Variants in SLC1A7 observed in about 807,000 individuals in gnomAD.
SLC1A7 encodes excitatory amino acid transporter 5.
SLC1A7 carries 40 observed loss-of-function variants against 47.7 expected under a neutral mutation model. The observed-to-expected ratio is 0.84, with a 90% CI of 0.65 to 1.09. The LOEUF (loss-of-function observed/expected upper bound fraction) is 1.09. Among genes scored for constraint, SLC1A7 ranks in the 50% least tolerant of loss-of-function variants. The pLI, the probability that SLC1A7 is intolerant of heterozygous loss-of-function variation, is 0.00. For missense variants in SLC1A7, 746 were observed against 769.5 expected (o/e 0.97, Z 0.36); for synonymous variants, 323 against 325.6 (o/e 0.99, Z 0.09).
At chr1:53,121,970 T>C (rs772696968) in intron 2 of SLC1A7, among the ~76,000 whole-genome samples, 2 of 149,832 alleles carry the variant, frequency 1.3e-5, no homozygotes, top group Non-Finnish European at 3.0e-5. Context: ...GGCAGCTGGG[T>C]AGGCAGCAGG....
intron 5 of SLC1A7, among the ~76,000 whole-genome samples, chr1:53,100,726 G>GTACACTCATACATACCACCTCA (rs1644565455): frequency 6.8e-6 from 1 of 147,244 alleles, no homozygotes; most frequent in Non-Finnish European, 1.5e-5. Context: ...ATACCACCTC[G>GTACACTCATACATACCACCTCA]GTACACTCAC....
In SLC1A7 at chr1:53,114,666, C is replaced by G. The variant is rs1644736308; in HGVS notation, c.431+92G>C. ...GTGATCATGGACTCCGTGATCACCC[C>G]CATCTCCACACCCCGTCCTGGCCTC... On this transcript the variant is annotated intron_variant, in intron 3 of 10. Coordinates refer to ENST00000371494, the MANE Select transcript of SLC1A7 (RefSeq NM_006671.6). 6 of 1,065,776 alleles carry G rather than the reference C, an allele frequency of 5.6e-6. No homozygotes were observed. In the South Asian group the frequency reaches 8.5e-5, roughly 15 times the overall value. 66.0% of individuals were successfully genotyped at this position (1,065,776 alleles called of 1,614,324 possible). A position where few individuals can be genotyped will look rare whatever the true frequency, so the allele number is the denominator to read the frequency against.
At chr1:53,114,648 T>G in intron 3 of SLC1A7, 110 bp downstream of exon 3, 1 of 885,582 alleles carries the variant, frequency 1.1e-6, no homozygotes, top group Non-Finnish European at 1.8e-6. Context: ...AGGGTGATCA[T>G]GGACTCCGTG....
chr1:53,091,249 C>G (rs1644418388), intron 7 of SLC1A7, among the ~76,000 whole-genome samples: 1 of 152,368 alleles, frequency 6.6e-6, no homozygotes, highest in South Asian at 2.1e-4. Flanking sequence ...TGGACAGCAC[C>G]TGGCCCATTG....
chr1:53,110,255 G>T (rs1333650647), intron 3 of SLC1A7, among the ~76,000 whole-genome samples: 2 of 152,308 alleles, frequency 1.3e-5, no homozygotes, highest in East Asian at 3.9e-4. Context: ...GGCCTGCCCA[G>T]GGCCACACAG....
chr1:53,117,134 T>C (rs754460823), intron 2 of SLC1A7, among the ~76,000 whole-genome samples: 1 of 151,984 alleles, frequency 6.6e-6, no homozygotes, highest in Non-Finnish European at 1.5e-5. Context: ...CTCTTGGAAA[T>C]GGGAGAGGAT....
intron 2 of SLC1A7, among the ~76,000 whole-genome samples, chr1:53,126,859 T>C: frequency 2.8e-5 from 1 of 35,902 alleles, no homozygotes; most frequent in Non-Finnish European, 4.9e-5. Context: ...TGTAATTTGC[T>C]TATCTAATTT....
intron 5 of SLC1A7, among the ~76,000 whole-genome samples, chr1:53,099,355 A>G (rs548345964): frequency 1.3e-5 from 1 of 74,766 alleles, no homozygotes; most frequent in African/African-American, 4.8e-5. Context: ...AGTACCTCAC[A>G]TACCGCCTCG....
intron 2 of SLC1A7, among the ~76,000 whole-genome samples, chr1:53,124,676 A>G (rs533631534): frequency 3.3e-5 from 5 of 151,988 alleles, no homozygotes; most frequent in African/African-American, 1.2e-4. Context: ...CACACAGAGC[A>G]CCTGCCGGGA....
At position 53,140,168 on chromosome 1, in the gene SLC1A7, C is replaced by A. The variant is rs144464968; in HGVS notation, c.135+2147G>T. On this transcript the variant is annotated intron_variant, in intron 1 of 10. Transcript: ENST00000371494. ...GTTTCTGCCAAATAATTGTTCTAAG[C>A]CTCTACATCCTTCCTTCAATTTATC... 2.7e-4 allele frequency among the ~76,000 whole-genome samples: 41 copies of A among 152,320 alleles called. 1 individual carries two copies. The East Asian group carries it at 7.5e-3, about 28-fold the overall frequency.
rs1644438069 is a variant in SLC1A7, at chr1:53,092,703, G to T, written c.882C>A (p.Gly294=). 6.2e-7 allele frequency: 1 copy of T among 1,613,988 alleles called. No individual in the cohort carries two copies. Among genetic ancestry groups the T allele is most frequent in the African/African-American group, 1.3e-5 (1 of 74,934 alleles). ...CGCACACCACGGTGACTGAGTAGAAGCCCAGCTTCTTGCCGACGGCCCTGG... is the reference window on the plus strand; with the variant it reads ...CGCACACCACGGTGACTGAGTAGAATCCCAGCTTCTTGCCGACGGCCCTGG... ...DDPRAVGKKL[G]FYSVTVVCGL... The change falls in exon 7 of 11, where the codon GGC becomes GGA. Residue 294 remains glycine (G), a synonymous_variant. Transcript: ENST00000371494.
chr1:53,101,493 G>A (rs1163461547), intron 5 of SLC1A7, among the ~76,000 whole-genome samples: 11 of 140,988 alleles, frequency 7.8e-5, no homozygotes, highest in East Asian at 4.3e-4. Flanking sequence ...ACACCACCTC[G>A]GTACACTCAC....
chr1:53,129,993 C>T lies in SLC1A7; in HGVS notation c.215+4357G>A, dbSNP rs567791086. On this transcript the variant is annotated intron_variant, in intron 2 of 10. Transcript: ENST00000371494. Reference sequence around the variant, plus strand: ...TGTTCAGTGAGATGAGTGGCTCTTCCGAATAGGGATACTAGTTGGTTTGCT... The same window carrying T: ...TGTTCAGTGAGATGAGTGGCTCTTCTGAATAGGGATACTAGTTGGTTTGCT... Among the ~76,000 whole-genome samples, 21 of 152,272 alleles carry T rather than the reference C, an allele frequency of 1.4e-4. No individual in the cohort carries two copies. In the South Asian group the frequency reaches 1.9e-3, roughly 14 times the overall value.
Position 53,103,448 on chromosome 1 carries a change from C to T in SLC1A7, c.595G>A (p.Ala199Thr), listed in dbSNP as rs149217403. 45 of 1,612,568 alleles carry T rather than the reference C, an allele frequency of 2.8e-5. No homozygotes were observed. Among genetic ancestry groups the T allele is most frequent in the East Asian group, 1.8e-4 (8 of 44,834 alleles). Residue 199 changes from alanine to threonine, a missense_variant, in exon 5 of 11, where the codon GCC (alanine) becomes ACC (threonine). Physicochemically the swap from Ala to Thr is moderately conservative, Grantham distance 58. Coordinates refer to ENST00000371494, the MANE Select transcript of SLC1A7 (RefSeq NM_006671.6). Reference sequence around the variant, plus strand: ...TCGGGCGGCGGGGTCAGGTCCAGGGCGAAGTTCTGCACATGGGAGCCATTC... The same window carrying T: ...TCGGGCGGCGGGGTCAGGTCCAGGGTGAAGTTCTGCACATGGGAGCCATTC... ...EENGSHVQNF[A>T]LDLTPPPEVV... is the part of the protein sequence containing the mutation.
chr1:53,097,080 C>T (rs150356504), intron 5 of SLC1A7, among the ~76,000 whole-genome samples: 6 of 150,130 alleles, frequency 4.0e-5, no homozygotes, highest in African/African-American at 7.4e-5. Context: ...TGCCTCAGTA[C>T]GCTCACACAC....
At chr1:53,133,925 G>A (rs1644965586) in intron 2 of SLC1A7, among the ~76,000 whole-genome samples, 1 of 152,152 alleles carries the variant, frequency 6.6e-6, no homozygotes, top group Admixed American at 6.5e-5. Context: ...TGAGGAAACT[G>A]AGGCGTAGAG....
chr1:53,103,726 C>T (rs1360751165), intron 4 of SLC1A7, 158 bp from the exon 5 acceptor site: 7 of 547,822 alleles, frequency 1.3e-5, no homozygotes, highest in South Asian at 1.1e-4. Context: ...GGATTGCTAT[C>T]AATATTTTAC....
chr1:53,112,784 C>T (rs912901304), intron 3 of SLC1A7, among the ~76,000 whole-genome samples: 2 of 152,164 alleles, frequency 1.3e-5, no homozygotes, highest in Admixed American at 1.3e-4. Context: ...GAGGAGTCAA[C>T]CAGAGCCCTG....
chr1:53,116,601 G>A (rs116011633), intron 2 of SLC1A7, among the ~76,000 whole-genome samples: 12 of 152,330 alleles, frequency 7.9e-5, no homozygotes, highest in Non-Finnish European at 1.6e-4. Flanking sequence ...ATGGGGGGCT[G>A]CCCTGCAATC....
Sources: gnomAD v4.1 joint callset for allele counts (sites outside exome capture counted in the v4.1 genomes callset) on GRCh38, gnomAD v4.1.1 for gene constraint, MANE v1.5 for transcripts, NCBI Gene and HGNC (gene_info 2026-07-23, HGNC 2026-07-21) for gene names.